Variants in FZD6 observed in about 807,000 individuals in gnomAD.
FZD6 encodes frizzled class receptor 6, also known as frizzled-6.
FZD6 carries 49 observed loss-of-function variants against 61.4 expected under a neutral mutation model. The observed-to-expected ratio is 0.80, with a 90% confidence interval of 0.63 to 1.01. FZD6 has a LOEUF of 1.01. Ranked by LOEUF, FZD6 falls within the 50% of genes least tolerant of loss-of-function variation. The probability of loss-of-function intolerance (pLI) is 0.00; values close to 1 mark genes in which losing one functional copy is unlikely to be tolerated. For missense variants in FZD6, 724 were observed against 848.2 expected, an observed-to-expected ratio of 0.85 and a Z score of 1.82; for synonymous variants, 265 against 292.2, an observed-to-expected ratio of 0.91 and a Z score of 0.95.
At chr8:103,313,797 TGTG>T (rs1375007378) in intron 2 of FZD6, among the ~76,000 whole-genome samples, 3 of 145,492 alleles carry the variant, frequency 2.1e-5, no homozygotes, top group Non-Finnish European at 4.5e-5. Context: ...TGTGTGTGTG[TGTG>T]TGTCAGGGAA....
At chr8:103,318,203 A>G (rs1586516637) in intron 2 of FZD6, among the ~76,000 whole-genome samples, 1 of 152,210 alleles carries the variant, frequency 6.6e-6, no homozygotes, top group Non-Finnish European at 1.5e-5. Context: ...AGCCAGTGAG[A>G]CAGCCAGAAA....
chr8:103,315,832 C>G (rs924125805), intron 2 of FZD6, among the ~76,000 whole-genome samples: 1 of 152,182 alleles, frequency 6.6e-6, no homozygotes, highest in African/African-American at 2.4e-5. Context: ...AAATAACAGT[C>G]CTTGCCCACC....
chr8:103,328,165 C>G lies in FZD6; in HGVS notation c.1393-103C>G, dbSNP rs1304979969. 7 of 850,208 alleles carry G rather than the reference C, an allele frequency of 8.2e-6. No individual in the cohort carries two copies. In the African/African-American group the frequency reaches 1.0e-4, roughly 12 times the overall value. 52.7% of individuals were successfully genotyped at this position (850,208 alleles called of 1,614,324 possible). A position where few individuals can be genotyped will look rare whatever the true frequency, so the allele number is the denominator to read the frequency against. On this transcript the variant is annotated intron_variant, in intron 4 of 6. Transcript: ENST00000358755. Reference sequence around the variant, plus strand: ...ATTATTTCAAACCTTTTTAGTAAAACAGTTGAAGATTTATAACTTTTGTTC... The same window carrying G: ...ATTATTTCAAACCTTTTTAGTAAAAGAGTTGAAGATTTATAACTTTTGTTC...
At position 103,324,746 on chromosome 8, in the gene FZD6, C is replaced by G; in HGVS notation, c.640C>G (p.Leu214Val). 2.5e-6 allele frequency: 4 copies of G among 1,614,018 alleles called. No homozygotes were observed. Among genetic ancestry groups the G allele is most frequent in the Non-Finnish European group, 3.4e-6 (4 of 1,179,882 alleles). Residue 214 changes from leucine (L) to valine (V), a missense_variant, in exon 4 of 7, where the codon CTG becomes GTG. Transcript: ENST00000358755. ...TVSIFCLCATLFTFLTFLIDV... is the reference protein window; with the variant it reads ...TVSIFCLCATVFTFLTFLIDV... ...TTCAATATTTTGTCTTTGTGCAACTCTGTTCACATTCCTTACTTTTTTAAT... is the reference window on the plus strand; with the variant it reads ...TTCAATATTTTGTCTTTGTGCAACTGTGTTCACATTCCTTACTTTTTTAAT...
At chr8:103,327,184 A>G (rs2130337204) in intron 4 of FZD6, among the ~76,000 whole-genome samples, 1 of 152,372 alleles carries the variant, frequency 6.6e-6, no homozygotes, top group South Asian at 2.1e-4. Context: ...AAATAATACC[A>G]AGATAGTCAC....
At chr8:103,324,435 A>C in intron 3 of FZD6, 46 bp from the exon 4 acceptor site, 1 of 1,034,700 alleles carries the variant, frequency 9.7e-7, no homozygotes, top group Admixed American at 2.2e-5. Context: ...ATATTGAATC[A>C]ATAAAAATGT....
chr8:103,331,808 G>C lies in FZD6; in HGVS notation c.*299G>C, dbSNP rs1369543930. 9 of 324,344 alleles carry C rather than the reference G, an allele frequency of 2.8e-5. No homozygotes were observed. The South Asian group carries it at 2.8e-4, about 10-fold the overall frequency. 20.1% of individuals were successfully genotyped at this position (324,344 alleles called of 1,614,324 possible). The stretch of plus-strand genomic sequence containing the variant: ...TATGAAGATTCTACTCTTGGTAAGA[G>C]TATTTTAAGATGTACTATGCTATTT... On this transcript the variant is annotated 3_prime_UTR_variant, in exon 7 of 7. Coordinates refer to ENST00000358755, the MANE Select transcript of FZD6 (RefSeq NM_003506.4).
At chr8:103,300,430 T>A (rs2130255962) in intron 2 of FZD6, 146 bp downstream of exon 2, 1 of 713,402 alleles carries the variant, frequency 1.4e-6, no homozygotes. Flanking sequence ...GAAAATTAAA[T>A]CCCTCTACTG....
At chr8:103,329,633 C>T in intron 5 of FZD6, 22 bp from the exon 6 acceptor site, 2 of 1,563,658 alleles carry the variant, frequency 1.3e-6, no homozygotes, top group Non-Finnish European at 1.8e-6. Context: ...TGAGTAAATC[C>T]TCTCCTTCAA....
chr8:103,303,299 CGTCT>C (rs1315070434), intron 2 of FZD6, among the ~76,000 whole-genome samples: 2 of 152,164 alleles, frequency 1.3e-5, no homozygotes, highest in East Asian at 1.9e-4. Context: ...TCTGGTGAGC[CGTCT>C]GTCTACCTAC....
chr8:103,313,721 T>C (rs1450060270), intron 2 of FZD6, among the ~76,000 whole-genome samples: 1 of 151,406 alleles, frequency 6.6e-6, no homozygotes, highest in African/African-American at 2.4e-5. Flanking sequence ...ACTTGGAAGT[T>C]GGTAGCCCAC....
chr8:103,318,614 G>C lies in FZD6; in HGVS notation c.202G>C (p.Glu68Gln). 6.2e-7 allele frequency: 1 copy of C among 1,607,998 alleles called. No homozygotes were observed. Among genetic ancestry groups the C allele is most frequent in the Non-Finnish European group, 8.5e-7 (1 of 1,174,494 alleles). ...MEHFLPLANL[E>Q]CSPNIETFLC... ...GCATTTTCTTCCTCTCGCAAATCTG[G>C]AATGTTCACCAAACATTGAAACTTT... is the stretch of plus-strand genomic sequence containing the variant. Residue 68 changes from glutamate to glutamine, a missense_variant, in exon 3 of 7, where the codon GAA (glutamate) becomes CAA (glutamine). Physicochemically the swap from Glu to Gln is conservative, Grantham distance 29. Coordinates refer to ENST00000358755, the MANE Select transcript of FZD6 (RefSeq NM_003506.4).
Position 103,331,518 on chromosome 8 carries a change from T to TTCTC in FZD6, c.*12_*15dup, listed in dbSNP as rs772994829. 1.3e-5 allele frequency: 21 copies of TTCTC among 1,596,112 alleles called. No homozygotes were observed. Among genetic ancestry groups the TTCTC allele is most frequent in the Non-Finnish European group, 1.2e-5 (14 of 1,163,762 alleles). ...GTCATTCAGATACTTGAAGAACATT[T>TTCTC]TCTCTCGTTACTCAGAAGCAAATTT... On this transcript the variant is annotated 3_prime_UTR_variant, in exon 7 of 7. Coordinates refer to ENST00000358755, the MANE Select transcript of FZD6 (RefSeq NM_003506.4).
chr8:103,317,762 G>A (rs1324882751), intron 2 of FZD6, among the ~76,000 whole-genome samples: 1 of 150,974 alleles, frequency 6.6e-6, no homozygotes, highest in African/African-American at 2.4e-5. Flanking sequence ...GGAGGCAGAG[G>A]TTGTGGTGAG....
chr8:103,308,313 C>G (rs117116568), intron 2 of FZD6, among the ~76,000 whole-genome samples: 6,920 of 152,164 alleles, frequency 0.045, 228 homozygotes, highest in Non-Finnish European at 0.071. Flanking sequence ...TGGAGAAGTC[C>G]AGTCACACAC....
At chr8:103,317,858 G>A (rs979392950) in intron 2 of FZD6, among the ~76,000 whole-genome samples, 20 of 148,086 alleles carry the variant, frequency 1.4e-4, no homozygotes, top group Non-Finnish European at 2.4e-4. Flanking sequence ...AAGAAAGAAA[G>A]AAAAAAGAAT....
In FZD6 at chr8:103,332,763, A is replaced by G. The variant is rs1815179443; in HGVS notation, c.*1254A>G. The G allele has an allele frequency of 6.6e-6, 1 of 152,622 alleles. No homozygotes were observed. The highest frequency in any genetic ancestry group is 1.5e-5 in the Non-Finnish European group (1 of 68,024). The allele number at this position is 152,622 out of a possible 1,614,324, so 9.5% of individuals were successfully genotyped here. A position where few individuals can be genotyped will look rare whatever the true frequency, so the allele number is the denominator to read the frequency against. ...ACAAAAACTATGTACTGTATGGGAAATGTTGTAAATATTACCTTTTCCACA... is the reference window on the plus strand; with the variant it reads ...ACAAAAACTATGTACTGTATGGGAAGTGTTGTAAATATTACCTTTTCCACA... On this transcript the variant is annotated 3_prime_UTR_variant, in exon 7 of 7. Coordinates refer to ENST00000358755, the MANE Select transcript of FZD6 (RefSeq NM_003506.4).
Position 103,300,106 on chromosome 8 carries a change from A to C in FZD6, c.-2A>C, listed in dbSNP as rs755276890. 2.5e-6 allele frequency: 4 copies of C among 1,569,960 alleles called. No homozygotes were observed. The African/African-American group carries it at 4.0e-5, about 16-fold the overall frequency. ...TGTGGTAAAATCAGGAATTTGAAGA[A>C]AATGGAAATGTTTACATTTTTGTTG... On this transcript the variant is annotated 5_prime_UTR_variant, in exon 2 of 7. Coordinates refer to ENST00000358755, the MANE Select transcript of FZD6 (RefSeq NM_003506.4).
intron 3 of FZD6, among the ~76,000 whole-genome samples, chr8:103,321,861 C>T (rs1244562557): frequency 6.6e-6 from 1 of 152,156 alleles, no homozygotes; most frequent in Non-Finnish European, 1.5e-5. Flanking sequence ...CCTCTTTCCC[C>T]ACAGCAGTGC....
Sources: gnomAD v4.1 joint callset for allele counts (sites outside exome capture counted in the v4.1 genomes callset) on GRCh38, gnomAD v4.1.1 for gene constraint, MANE v1.5 for transcripts, NCBI Gene and HGNC (gene_info 2026-07-23, HGNC 2026-07-21) for gene names.